Variants in IL1RAPL2 observed in about 807,000 individuals in gnomAD.
IL1RAPL2 encodes X-linked interleukin-1 receptor accessory protein-like 2.
IL1RAPL2 carries 3 observed loss-of-function variants against 44.1 expected under a neutral mutation model. The ratio of observed to expected loss-of-function variants is 0.07; its 90% CI spans 0.03 to 0.18. The LOEUF (loss-of-function observed/expected upper bound fraction) is 0.18, where lower values mean the gene tolerates loss of function less well. Among genes scored for constraint, IL1RAPL2 ranks in the 10% least tolerant of loss-of-function variants. The pLI is 1.00. For missense variants in IL1RAPL2, 391 were observed against 496.4 expected, an observed-to-expected ratio of 0.79 and a Z score of 2.02; for synonymous variants, 181 against 178.8, an observed-to-expected ratio of 1.01 and a Z score of -0.10.
At chrX:105,510,233 G>A (rs189718915) in intron 6 of IL1RAPL2, among the ~76,000 whole-genome samples, 149 of 110,985 alleles carry the variant, frequency 1.3e-3, no homozygotes, top group Non-Finnish European at 1.1e-3. Context: ...AAAGAAACTG[G>A]TTGAACATTG....
chrX:104,906,744 C>G (rs978322959), intron 2 of IL1RAPL2, among the ~76,000 whole-genome samples: 96 of 111,864 alleles, frequency 8.6e-4, no homozygotes, highest in Non-Finnish European at 1.5e-3. Context: ...CAATGTTCAT[C>G]AAGGATATTG....
chrX:104,643,509 G>A (rs756161201), intron 1 of IL1RAPL2, among the ~76,000 whole-genome samples: 1 of 111,632 alleles, frequency 9.0e-6, no homozygotes, highest in South Asian at 3.8e-4. Context: ...TGAACCAGTT[G>A]CTACCTGGGG....
intron 2 of IL1RAPL2, among the ~76,000 whole-genome samples, chrX:104,797,065 G>A (rs1932853373): frequency 1.8e-5 from 2 of 109,569 alleles, no homozygotes; most frequent in Non-Finnish European, 3.8e-5. Context: ...GAGCCACCAC[G>A]TCTGGCATTG....
chrX:104,649,950 A>C (rs1019959485), intron 1 of IL1RAPL2, among the ~76,000 whole-genome samples: 3 of 112,217 alleles, frequency 2.7e-5, no homozygotes, highest in African/African-American at 9.7e-5. Flanking sequence ...TTATCTGTCA[A>C]AAGATTTAGT....
At chrX:104,851,109 A>G (rs940643807) in intron 2 of IL1RAPL2, among the ~76,000 whole-genome samples, 6 of 110,904 alleles carry the variant, frequency 5.4e-5, no homozygotes, top group Non-Finnish European at 1.1e-4. Flanking sequence ...GGCGTCGACT[A>G]CCCTACTAGC....
At chrX:104,627,917 AAAG>A (rs1195008035) in intron 1 of IL1RAPL2, among the ~76,000 whole-genome samples, 7 of 111,787 alleles carry the variant, frequency 6.3e-5, no homozygotes, top group African/African-American at 2.3e-4. Context: ...ATATCATTGA[AAAG>A]AAAAAAAAAT....
chrX:105,498,180 C>T (rs1207194653), intron 6 of IL1RAPL2, among the ~76,000 whole-genome samples: 1 of 111,930 alleles, frequency 8.9e-6, no homozygotes, highest in Non-Finnish European at 1.9e-5. Context: ...AAAGTTAGAA[C>T]TAATAAATTC....
chrX:104,684,908 G>A (rs1930957101), intron 2 of IL1RAPL2, among the ~76,000 whole-genome samples: 1 of 112,222 alleles, frequency 8.9e-6, no homozygotes, highest in Non-Finnish European at 1.9e-5. Flanking sequence ...TGGATTATCA[G>A]TTTTGTCAGC....
At chrX:105,120,049 A>AT (rs2032906845) in intron 2 of IL1RAPL2, among the ~76,000 whole-genome samples, 1 of 109,636 alleles carries the variant, frequency 9.1e-6, no homozygotes, top group South Asian at 4.1e-4. Flanking sequence ...TCACATGGCC[A>AT]TTAAGTGGTT....
In IL1RAPL2 at chrX:105,228,859, G is replaced by C. The variant is rs1467390525; in HGVS notation, c.357-4959G>C. Among the ~76,000 whole-genome samples, 3 of 111,905 alleles carry C rather than the reference G, an allele frequency of 2.7e-5. No individual in the cohort carries two copies. In the East Asian group the frequency reaches 8.4e-4, roughly 31 times the overall value. ...CTTGACAAAGTTCTTTGTCCTCTCT[G>C]TGTCTATGTTTTACTCCTGTAAGGG... On this transcript the variant is annotated intron_variant, in intron 3 of 10. Transcript: ENST00000372582.
chrX:105,003,140 C>T (rs1787024808), intron 2 of IL1RAPL2, among the ~76,000 whole-genome samples: 2 of 110,846 alleles, frequency 1.8e-5, no homozygotes, highest in East Asian at 2.9e-4. Context: ...TATTATATTC[C>T]TTCCCCTTTA....
chrX:105,375,293 C>A (rs151150411), intron 5 of IL1RAPL2, among the ~76,000 whole-genome samples: 5 of 110,925 alleles, frequency 4.5e-5, no homozygotes, highest in Admixed American at 9.6e-5. Context: ...AGCTGGATCA[C>A]GAGGTCAGGA....
chrX:105,633,958 A>T (rs182114729), intron 6 of IL1RAPL2, among the ~76,000 whole-genome samples: 15 of 110,744 alleles, frequency 1.4e-4, no homozygotes, highest in Non-Finnish European at 2.3e-4. Context: ...TTTTGCCTAG[A>T]TTTCACTCTA....
chrX:104,897,540 T>A (rs956880114), intron 2 of IL1RAPL2, among the ~76,000 whole-genome samples: 8 of 112,201 alleles, frequency 7.1e-5, no homozygotes, highest in African/African-American at 2.6e-4. Flanking sequence ...GGAGAGAGGA[T>A]ATGAACCCCA....
rs970271033 is a variant in IL1RAPL2, at chrX:105,081,936, T to G, written c.83-113539T>G. ...TCAGGGATATTGGCCTGAAATTTTC[T>G]TTTTTTTGTTATGTCTCCGCCAGGT... On this transcript the variant is annotated intron_variant, in intron 2 of 10. Transcript: ENST00000372582. Among the ~76,000 whole-genome samples the G allele has an allele frequency of 2.7e-5, 3 of 111,549 alleles. No individual in the cohort carries two copies. The Admixed American group carries it at 2.9e-4, about 11-fold the overall frequency.
At chrX:105,361,540 A>G (rs2035247703) in intron 5 of IL1RAPL2, among the ~76,000 whole-genome samples, 1 of 111,700 alleles carries the variant, frequency 9.0e-6, no homozygotes, top group Non-Finnish European at 1.9e-5. Context: ...AGATAAGGTC[A>G]AGTTTGGGTA....
intron 2 of IL1RAPL2, among the ~76,000 whole-genome samples, chrX:104,891,009 C>T (rs889422080): frequency 8.9e-6 from 1 of 111,955 alleles, no homozygotes; most frequent in Non-Finnish European, 1.9e-5. Context: ...TTTCAGCTTT[C>T]TACATATGGC....
intron 2 of IL1RAPL2, among the ~76,000 whole-genome samples, chrX:105,154,668 A>G (rs1007121384): frequency 1.8e-5 from 2 of 110,463 alleles, no homozygotes; most frequent in African/African-American, 6.6e-5. Flanking sequence ...ATTTCTTTCT[A>G]TTGTTCCTGT....
intron 5 of IL1RAPL2, among the ~76,000 whole-genome samples, chrX:105,354,856 C>A (rs1413786132): frequency 1.8e-5 from 2 of 111,085 alleles, no homozygotes; most frequent in Non-Finnish European, 3.8e-5. Context: ...CATATTATGT[C>A]TTGTTCAACC....
Sources: allele counts gnomAD v4.1 joint callset (sites outside exome capture counted in the v4.1 genomes callset), GRCh38; gene constraint gnomAD v4.1.1; transcripts MANE v1.5; gene names NCBI Gene and HGNC (gene_info 2026-07-23, HGNC 2026-07-21).